The following SCYL2 variants were observed in gnomAD, a reference collection of about 807,000 sequenced individuals.
SCYL2 encodes SCY1-like protein 2.
In SCYL2, 36 loss-of-function variants were observed where a neutral mutation model predicts 100.4. That is an observed-to-expected ratio of 0.36 (90% confidence interval 0.27 to 0.47). The LOEUF (loss-of-function observed/expected upper bound fraction) is 0.47, where lower values mean the gene tolerates loss of function less well. SCYL2 is among the 20% of genes least tolerant of loss of function. The probability of loss-of-function intolerance (pLI) is 1.00; values close to 1 mark genes in which losing one functional copy is unlikely to be tolerated. For synonymous variants in SCYL2, 330 were observed against 359.2 expected, an observed-to-expected ratio of 0.92 and a Z score of 0.92; for missense variants, 902 against 1,083.9, an observed-to-expected ratio of 0.83 and a Z score of 2.36.
intron 4 of SCYL2, among the ~76,000 whole-genome samples, chr12:100,309,130 G>GTGTGTGTGTGTGTGTGTT (rs1460060656): frequency 5.9e-5 from 9 of 151,872 alleles, no homozygotes. Context: ...GTGTGTGTGT[G>GTGTGTGTGTGTGTGTGTT]TGTGCGCGCG....
At chr12:100,281,765 C>T (rs945970488) in intron 1 of SCYL2, among the ~76,000 whole-genome samples, 1 of 148,476 alleles carries the variant, frequency 6.7e-6, no homozygotes, top group African/African-American at 2.5e-5. Context: ...ACCCGGGAGG[C>T]GGAGCTTGCA....
intron 2 of SCYL2, among the ~76,000 whole-genome samples, chr12:100,284,661 C>T (rs1053532797): frequency 2.6e-4 from 39 of 152,138 alleles, no homozygotes; most frequent in Non-Finnish European, 4.0e-4. Context: ...CGGGGTTTCA[C>T]CGTGTTGGCC....
intron 4 of SCYL2, among the ~76,000 whole-genome samples, chr12:100,298,818 G>A (rs1489148281): frequency 6.6e-6 from 1 of 152,104 alleles, no homozygotes; most frequent in Non-Finnish European, 1.5e-5. Flanking sequence ...TCCTGACCTC[G>A]TGATCCACCC....
chr12:100,304,040 G>T (rs982203024), intron 4 of SCYL2, among the ~76,000 whole-genome samples: 26 of 152,194 alleles, frequency 1.7e-4, no homozygotes, highest in African/African-American at 5.8e-4. Flanking sequence ...ACTTCTACGC[G>T]GCTTTGTTTA....
intron 1 of SCYL2, among the ~76,000 whole-genome samples, chr12:100,273,732 C>G (rs995538713): frequency 6.6e-6 from 1 of 152,176 alleles, no homozygotes; most frequent in African/African-American, 2.4e-5. Flanking sequence ...TGGAATACTC[C>G]TTCCCCCCTT....
chr12:100,315,756 G>T, intron 9 of SCYL2, 22 bp downstream of exon 9: 1 of 1,556,220 alleles, frequency 6.4e-7, no homozygotes, highest in Non-Finnish European at 8.7e-7. Context: ...ATATTTTTGT[G>T]TATTTATCTA....
rs139946288 is a variant in SCYL2 at position 100,308,404 on chromosome 12, G to A, written c.481-2640G>A. Among the ~76,000 whole-genome samples, 689 of 152,098 alleles carry A rather than the reference G, an allele frequency of 4.5e-3. 6 individuals carry two copies. Among genetic ancestry groups the A allele is most frequent in the East Asian group, 0.037 (190 of 5,178 alleles). The stretch of plus-strand genomic sequence containing the variant: ...ACACAGAAACAGAAAACCAAACACC[G>A]CATGTTCTCACTTATAAGTGGGAGT... On this transcript the variant is annotated intron_variant, in intron 4 of 17. Transcript: ENST00000360820.
chr12:100,273,065 C>A (rs1199565257), intron 1 of SCYL2, among the ~76,000 whole-genome samples: 1 of 152,080 alleles, frequency 6.6e-6, no homozygotes, highest in Non-Finnish European at 1.5e-5. Context: ...TTCTCAGCCT[C>A]CACCTTTAGT....
chr12:100,321,074 C>A (rs568087221), intron 10 of SCYL2, among the ~76,000 whole-genome samples: 1 of 152,226 alleles, frequency 6.6e-6, no homozygotes, highest in African/African-American at 2.4e-5. Flanking sequence ...TAGCAGGGAC[C>A]ACAGGAACAT....
intron 10 of SCYL2, among the ~76,000 whole-genome samples, chr12:100,318,551 C>T (rs566500784): frequency 3.3e-5 from 5 of 152,184 alleles, no homozygotes; most frequent in South Asian, 2.1e-4. Flanking sequence ...AGGCTGGTCT[C>T]GAACTCCTGA....
intron 1 of SCYL2, among the ~76,000 whole-genome samples, chr12:100,274,762 T>C (rs940371524): frequency 2.0e-5 from 3 of 152,218 alleles, no homozygotes; most frequent in Admixed American, 6.5e-5. Context: ...CATAGACTTG[T>C]TCTCAGGCAA....
At chr12:100,304,857 G>A (rs1280166291) in intron 4 of SCYL2, among the ~76,000 whole-genome samples, 1 of 151,508 alleles carries the variant, frequency 6.6e-6, no homozygotes, top group Non-Finnish European at 1.5e-5. Context: ...TGCAGTCCTA[G>A]CCTCTGATAT....
rs771490334 is a variant in SCYL2, at chr12:100,291,595, C to A, written c.270C>A (p.Val90=). Reference sequence around the variant, plus strand: ...TCATTGATTCTCTAAAACGAGGAGTCCAACAGTTAACTCGGCTTCGACACC... The same window carrying A: ...TCATTGATTCTCTAAAACGAGGAGTACAACAGTTAACTCGGCTTCGACACC... ...DQIIDSLKRG[V]QQLTRLRHPR... is the part of the protein sequence containing the mutation. Residue 90 remains valine, a synonymous_variant, in exon 3 of 18, where the codon GTC becomes GTA. Coordinates refer to ENST00000360820, the MANE Select transcript of SCYL2 (RefSeq NM_017988.6). 1.2e-6 allele frequency: 2 copies of A among 1,600,238 alleles called. No individual in the cohort carries two copies. The highest frequency in any genetic ancestry group is 1.2e-5 in the South Asian group (1 of 86,034).
intron 16 of SCYL2, 108 bp downstream of exon 16, chr12:100,336,014 T>A (rs1952272752): frequency 1.3e-6 from 1 of 765,276 alleles, no homozygotes; most frequent in Non-Finnish European, 2.2e-6. Context: ...ACAAGAAACA[T>A]TTGTAATTAT....
In SCYL2 at chr12:100,339,914, G is replaced by A. The variant is rs1290107222; in HGVS notation, c.*742G>A. 3.7e-4 allele frequency: 57 copies of A among 152,572 alleles called. No individual in the cohort carries two copies. The highest frequency in any genetic ancestry group is 2.1e-4 in the South Asian group (1 of 4,832). The allele number at this position is 152,572 out of a possible 1,614,324, so 9.5% of individuals were successfully genotyped here. Reference sequence around the variant, plus strand: ...AATCACTTTTTTCCTCCTGTATCAAGGAAGAGGTATGTGCTGATTTGTTTG... The same window carrying A: ...AATCACTTTTTTCCTCCTGTATCAAAGAAGAGGTATGTGCTGATTTGTTTG... On this transcript the variant is annotated 3_prime_UTR_variant, in exon 18 of 18. Transcript: ENST00000360820.
rs137977203 is a variant in SCYL2 at position 100,297,749 on chromosome 12, G to A, written c.336-282G>A. Among the ~76,000 whole-genome samples, 1,325 of 152,000 alleles carry A rather than the reference G, an allele frequency of 8.7e-3. 13 individuals carry two copies. The highest frequency in any genetic ancestry group is 0.03 in the African/African-American group (1,262 of 41,512). On this transcript the variant is annotated intron_variant, in intron 3 of 17. Transcript: ENST00000360820. ...TATCAATCATTTGAACAAGGTGGTT[G>A]AACAAGGTGGTGTTTTATTTTTTCA...
chr12:100,271,056 T>C (rs2096287082), intron 1 of SCYL2, among the ~76,000 whole-genome samples: 1 of 152,118 alleles, frequency 6.6e-6, no homozygotes, highest in South Asian at 2.1e-4. Flanking sequence ...ATGATTATAC[T>C]CAGCTGGTTT....
intron 1 of SCYL2, among the ~76,000 whole-genome samples, chr12:100,282,420 G>T (rs1352087986): frequency 7.2e-6 from 1 of 138,278 alleles, no homozygotes; most frequent in Non-Finnish European, 1.6e-5. Context: ...CCACCTCCTG[G>T]GTTCAAGTGA....
At chr12:100,312,118 C>CG (rs558976044) in intron 5 of SCYL2, among the ~76,000 whole-genome samples, 94 of 149,926 alleles carry the variant, frequency 6.3e-4, no homozygotes, top group African/African-American at 2.1e-3. Context: ...ACAACAGTCT[C>CG]TATCTGAGCT....
Sources: allele counts gnomAD v4.1 joint callset (sites outside exome capture counted in the v4.1 genomes callset), GRCh38; gene constraint gnomAD v4.1.1; transcripts MANE v1.5; gene names NCBI Gene and HGNC (gene_info 2026-07-23, HGNC 2026-07-21).